The following PIGK variants were observed in gnomAD, a reference collection of about 807,000 sequenced individuals.
The protein encoded by PIGK is GPI-anchor transamidase.
In PIGK, 42 loss-of-function variants were observed where a neutral mutation model predicts 50.6. The observed-to-expected ratio is 0.83, with a 90% CI of 0.65 to 1.07. The LOEUF is 1.07. Ranked by LOEUF, PIGK falls within the 50% of genes least tolerant of loss-of-function variation. The probability of loss-of-function intolerance (pLI) is 0.00; values close to 1 mark genes in which losing one functional copy is unlikely to be tolerated. For synonymous variants in PIGK, 151 were observed against 156.0 expected (o/e 0.97, Z 0.24); for missense variants, 448 against 488.7 (o/e 0.92, Z 0.78).
chr1:77,196,206 C>T (rs1191171816), intron 3 of PIGK, among the ~76,000 whole-genome samples: 10 of 152,182 alleles, frequency 6.6e-5, no homozygotes, highest in Admixed American at 6.5e-4. Context: ...ATATGTACCA[C>T]ATTTTCTTTA....
intron 6 of PIGK, among the ~76,000 whole-genome samples, chr1:77,162,389 G>A (rs1235774943): frequency 1.3e-5 from 2 of 152,116 alleles, no homozygotes; most frequent in Admixed American, 1.3e-4. Flanking sequence ...AGCACATAAT[G>A]TAAAAAAGTA....
intron 3 of PIGK, among the ~76,000 whole-genome samples, chr1:77,172,772 A>C (rs916556328): frequency 3.3e-5 from 5 of 151,966 alleles, no homozygotes; most frequent in Non-Finnish European, 7.4e-5. Context: ...AAATACAAAA[A>C]AATTAGCCGG....
At chr1:77,115,933 G>T (rs1311270027) in intron 10 of PIGK, among the ~76,000 whole-genome samples, 1 of 152,130 alleles carries the variant, frequency 6.6e-6, no homozygotes, top group Non-Finnish European at 1.5e-5. Flanking sequence ...AGGAGGTCTT[G>T]TATCTGAAAT....
chr1:77,117,378 T>C (rs1212916853), intron 10 of PIGK, among the ~76,000 whole-genome samples: 1 of 152,218 alleles, frequency 6.6e-6, no homozygotes, highest in Non-Finnish European at 1.5e-5. Flanking sequence ...GAACCTTAAG[T>C]TGGAAATGAT....
At chr1:77,191,126 C>T (rs1218178241) in intron 3 of PIGK, among the ~76,000 whole-genome samples, 1 of 152,218 alleles carries the variant, frequency 6.6e-6, no homozygotes, top group African/African-American at 2.4e-5. Context: ...CTGTGCATTA[C>T]ATTACCAAAA....
Position 77,219,386 on chromosome 1 carries a change from C to G in PIGK, c.17G>C (p.Ser6Thr), listed in dbSNP as rs1557436568. The G allele has an allele frequency of 2.5e-6, 4 of 1,613,616 alleles. No individual in the cohort carries two copies. In the East Asian group the frequency reaches 8.9e-5, roughly 36 times the overall value. MAVTDSLSRAATVLAT... is the reference protein window; with the variant it reads MAVTDTLSRAATVLAT... ...CAAGACAGTCGCAGCCCGGCTGAGG[C>G]TGTCGGTGACGGCCATGTTTACCGG... The change falls in exon 1 of 11, where the codon AGC becomes ACC. Residue 6 changes from serine (S) to threonine (T), a missense_variant. Physicochemically the swap from Ser to Thr is moderately conservative, Grantham distance 58. Transcript: ENST00000370812.
chr1:77,158,803 A>G (rs932601151), intron 8 of PIGK, among the ~76,000 whole-genome samples: 1 of 152,166 alleles, frequency 6.6e-6, no homozygotes, highest in Non-Finnish European at 1.5e-5. Flanking sequence ...AAGTTTATGT[A>G]TTCATGAAGA....
At chr1:77,192,336 ATT>A (rs1354661466) in intron 3 of PIGK, among the ~76,000 whole-genome samples, 9 of 152,232 alleles carry the variant, frequency 5.9e-5, no homozygotes, top group African/African-American at 2.2e-4. Context: ...ATTAAATGTA[ATT>A]CAACAATACA....
chr1:77,124,465 C>A (rs528706459), intron 9 of PIGK, among the ~76,000 whole-genome samples: 1 of 152,006 alleles, frequency 6.6e-6, no homozygotes, highest in African/African-American at 2.4e-5. Flanking sequence ...AAAAATTAGC[C>A]AGGCATGGTG....
intron 4 of PIGK, among the ~76,000 whole-genome samples, chr1:77,167,522 T>A (rs1371587581): frequency 6.6e-6 from 1 of 152,144 alleles, no homozygotes; most frequent in Non-Finnish European, 1.5e-5. Flanking sequence ...GGCAGGAGGA[T>A]CACCTGAGGC....
At chr1:77,149,187 G>A (rs1341655647) in intron 9 of PIGK, among the ~76,000 whole-genome samples, 1 of 152,102 alleles carries the variant, frequency 6.6e-6, no homozygotes, top group African/African-American at 2.4e-5. Context: ...GAAGAGAGGA[G>A]TTACAAAATA....
At chr1:77,154,906 C>G (rs972749257) in intron 8 of PIGK, among the ~76,000 whole-genome samples, 9 of 152,156 alleles carry the variant, frequency 5.9e-5, no homozygotes, top group African/African-American at 1.7e-4. Flanking sequence ...TATTGTGAAC[C>G]CTTAACTCTG....
chr1:77,171,369 G>A (rs1294378453), intron 3 of PIGK, among the ~76,000 whole-genome samples: 16 of 141,254 alleles, frequency 1.1e-4, no homozygotes, highest in Middle Eastern at 3.8e-3. Context: ...CCCAGGAGGC[G>A]GAGCTCGCAG....
At chr1:77,099,582 C>T (rs1460650892) in intron 10 of PIGK, among the ~76,000 whole-genome samples, 5 of 152,084 alleles carry the variant, frequency 3.3e-5, no homozygotes, top group African/African-American at 1.2e-4. Flanking sequence ...TAATAAAGTG[C>T]TTTTTCAGTA....
intron 10 of PIGK, among the ~76,000 whole-genome samples, chr1:77,109,820 T>C (rs1273323209): frequency 1.3e-5 from 2 of 152,154 alleles, no homozygotes; most frequent in African/African-American, 4.8e-5. Flanking sequence ...GAAGTCAAAT[T>C]GTCCCTGTTT....
intron 2 of PIGK, among the ~76,000 whole-genome samples, chr1:77,209,499 T>C (rs1332070693): frequency 6.6e-6 from 1 of 152,124 alleles, no homozygotes; most frequent in African/African-American, 2.4e-5. Flanking sequence ...AAATTAAGAA[T>C]ACATAGCTGA....
intron 3 of PIGK, among the ~76,000 whole-genome samples, chr1:77,197,110 G>A (rs1656055536): frequency 6.6e-6 from 1 of 152,092 alleles, no homozygotes; most frequent in African/African-American, 2.4e-5. Flanking sequence ...TGCAATCAAC[G>A]TAATTAGAAA....
At chr1:77,197,720 T>C (rs938329560) in intron 3 of PIGK, among the ~76,000 whole-genome samples, 2 of 152,178 alleles carry the variant, frequency 1.3e-5, no homozygotes, top group African/African-American at 4.8e-5. Context: ...AACAGAACCA[T>C]GATTTAAACT....
chr1:77,147,580 A>G (rs1253209465), intron 9 of PIGK, among the ~76,000 whole-genome samples: 1 of 152,230 alleles, frequency 6.6e-6, no homozygotes, highest in Non-Finnish European at 1.5e-5. Context: ...TATCTTCCTA[A>G]TACAGAAAAG....
Sources: allele counts gnomAD v4.1 joint callset (sites outside exome capture counted in the v4.1 genomes callset), GRCh38; gene constraint gnomAD v4.1.1; transcripts MANE v1.5; gene names NCBI Gene and HGNC (gene_info 2026-07-23, HGNC 2026-07-21).